The following AMD1 variants were observed in gnomAD, a reference collection of about 807,000 sequenced individuals.
The protein encoded by AMD1 is S-adenosylmethionine decarboxylase proenzyme.
Under a neutral mutation model 40.2 loss-of-function variants are expected in AMD1, and 11 were observed. That is an observed-to-expected ratio of 0.27 (90% confidence interval 0.17 to 0.45). The LOEUF is 0.45. Among genes scored for constraint, AMD1 ranks in the 20% least tolerant of loss-of-function variants. The pLI, the probability that AMD1 is intolerant of heterozygous loss-of-function variation, is 1.00. For missense variants in AMD1, 257 were observed against 410.2 expected (o/e 0.63, Z 3.23); for synonymous variants, 121 against 130.8 (o/e 0.93, Z 0.51).
chr6:110,887,697 T>TG, intron 2 of AMD1, 106 bp downstream of exon 2: 1 of 799,928 alleles, frequency 1.3e-6, no homozygotes, highest in Non-Finnish European at 1.9e-6. Flanking sequence ...TTTGTTTTGT[T>TG]TTGTTTTTTT....
the AMD1 span, among the ~76,000 whole-genome samples, chr6:110,829,208 G>T: frequency 6.6e-6 from 1 of 151,758 alleles, no homozygotes. Context: ...TTACAGTTGT[G>T]CCTGGCCTGA....
At position 110,893,093 on chromosome 6, in the gene AMD1, G is replaced by A. The variant is rs573919143; in HGVS notation, c.864+28G>A. ...AATTTTATATTTTATTATTAATCAG[G>A]TTATTTGATTTTTAAAATCTTAAAG... is the stretch of plus-strand genomic sequence containing the variant. On this transcript the variant is annotated intron_variant, in intron 8 of 8. Transcript: ENST00000368885. The A allele has an allele frequency of 1.2e-5, 19 of 1,554,462 alleles. No homozygotes were observed. In the African/African-American group the frequency reaches 1.4e-4, roughly 11 times the overall value.
the AMD1 span, among the ~76,000 whole-genome samples, chr6:110,838,795 G>C: frequency 2.6e-5 from 4 of 152,308 alleles, no homozygotes; most frequent in South Asian, 8.3e-4. Context: ...GAGGGCTGAG[G>C]TTGCAGTGAG....
chr6:110,858,826 C>T, the AMD1 span: 1 of 775,858 alleles, frequency 1.3e-6, no homozygotes, highest in Non-Finnish European at 2.4e-6. Context: ...CCAAGAACCA[C>T]ATCCTGCCCC....
At chr6:110,842,375 A>G in the AMD1 span, among the ~76,000 whole-genome samples, 1 of 152,224 alleles carries the variant, frequency 6.6e-6, no homozygotes. Flanking sequence ...AGAAAAAGGC[A>G]GCAGGCTTAA....
At position 110,893,347 on chromosome 6, in the gene AMD1, A is replaced by G. The variant is rs189722852; in HGVS notation, c.865-129A>G. The G allele has an allele frequency of 1.3e-3, 1,649 of 1,313,420 alleles. 24 individuals are homozygous for G. Among genetic ancestry groups the G allele is most frequent in the South Asian group, 2.5e-4 (18 of 70,956 alleles). The allele number at this position is 1,313,420 out of a possible 1,614,324, so 81.4% of individuals were successfully genotyped here. On this transcript the variant is annotated intron_variant, in intron 8 of 8. Transcript: ENST00000368885. ...TAAGATGCCCTGGCCCCTCCAGCAC[A>G]TAAGAAGGCAGCTAAAATAACTCAG... is the stretch of plus-strand genomic sequence containing the variant.
the AMD1 span, chr6:110,814,802 C>G: frequency 5.7e-6 from 4 of 698,930 alleles, no homozygotes; most frequent in Admixed American, 2.2e-5. Flanking sequence ...CGGGCTGCGC[C>G]GCGGGAGTTC....
rs754675809 is a variant in AMD1, at chr6:110,887,411, TGTG to T, written c.111-91_111-89del. ...GTTGGTGTACAATATTAATTAAAAA[TGTG>T]GTCTTCATGAGAAAAAGTGTGAGCT... On this transcript the variant is annotated intron_variant, in intron 1 of 8. Coordinates refer to ENST00000368885, the MANE Select transcript of AMD1 (RefSeq NM_001634.6). The T allele has an allele frequency of 3.5e-4, 268 of 774,738 alleles. 1 individual carries two copies. The highest frequency in any genetic ancestry group is 7.8e-4 in the Middle Eastern group (2 of 2,548). The allele number at this position is 774,738 out of a possible 1,614,324, so 48.0% of individuals were successfully genotyped here. A position where few individuals can be genotyped will look rare whatever the true frequency, so the allele number is the denominator to read the frequency against.
chr6:110,815,227 C>G, the AMD1 span: 3 of 1,353,358 alleles, frequency 2.2e-6, no homozygotes, highest in Non-Finnish European at 2.9e-6. Flanking sequence ...CTCCACTTCT[C>G]CAACAGCCGC....
At chr6:110,877,963 A>G (rs1785202937) in intron 1 of AMD1, among the ~76,000 whole-genome samples, 2 of 152,226 alleles carry the variant, frequency 1.3e-5, no homozygotes, top group Non-Finnish European at 2.9e-5. Context: ...GATGCTAAAG[A>G]CAAGGATAAC....
the AMD1 span, chr6:110,815,260 GCC>G: frequency 1.3e-4 from 136 of 1,022,854 alleles, no homozygotes; most frequent in Non-Finnish European, 1.6e-4. Context: ...CGCGCGCGCC[GCC>G]CGCCGCCCGC....
chr6:110,883,990 T>C (rs766212371), intron 1 of AMD1, among the ~76,000 whole-genome samples: 3 of 152,186 alleles, frequency 2.0e-5, no homozygotes, highest in African/African-American at 4.8e-5. Flanking sequence ...TTGAAGAAAG[T>C]AAACCTATAA....
the AMD1 span, among the ~76,000 whole-genome samples, chr6:110,860,823 AAACACCCACC>A: frequency 8.0e-6 from 1 of 124,886 alleles, no homozygotes; most frequent in Non-Finnish European, 1.6e-5. Context: ...AAACAAAACA[AAACACCCACC>A]CACACACACA....
Position 110,893,912 on chromosome 6 carries a change from A to G in AMD1, c.*296A>G, listed in dbSNP as rs115794151. ...TATATGAAACTTTACAACACTTGTG[A>G]AAGCAACTCAATTTGGTTTATGCAC... On this transcript the variant is annotated 3_prime_UTR_variant, in exon 9 of 9. Transcript: ENST00000368885. 103 of 317,316 alleles carry G rather than the reference A, an allele frequency of 3.2e-4. No homozygotes were observed. The highest frequency in any genetic ancestry group is 2.1e-3 in the African/African-American group (98 of 47,304). 19.7% of individuals were successfully genotyped at this position (317,316 alleles called of 1,614,324 possible).
chr6:110,855,807 G>A, the AMD1 span, among the ~76,000 whole-genome samples: 5 of 152,118 alleles, frequency 3.3e-5, no homozygotes, highest in Non-Finnish European at 5.9e-5. Context: ...TGAGCCAGGC[G>A]CAGTGATGCA....
At chr6:110,856,800 T>G in the AMD1 span, among the ~76,000 whole-genome samples, 17 of 152,188 alleles carry the variant, frequency 1.1e-4, no homozygotes, top group African/African-American at 3.4e-4. Context: ...TCAGATCATA[T>G]CAGCTAATTT....
chr6:110,858,928 A>C, the AMD1 span: 1 of 947,974 alleles, frequency 1.1e-6, no homozygotes, highest in Non-Finnish European at 1.7e-6. Context: ...GTTGACACCA[A>C]GCTGGGAACC....
the AMD1 span, chr6:110,814,769 G>T: frequency 1.5e-6 from 1 of 659,580 alleles, no homozygotes; most frequent in Non-Finnish European, 2.8e-6. Context: ...GCGCCCCTCT[G>T]GGACGGGACC....
At chr6:110,815,255 G>GCCGCC in the AMD1 span, 1 of 1,154,292 alleles carries the variant, frequency 8.7e-7, no homozygotes, top group Non-Finnish European at 1.1e-6. Flanking sequence ...GCGCGCGCGC[G>GCCGCC]CGCCGCCCGC....
Sources: gnomAD v4.1 joint callset for allele counts (sites outside exome capture counted in the v4.1 genomes callset) on GRCh38, gnomAD v4.1.1 for gene constraint, MANE v1.5 for transcripts, NCBI Gene and HGNC (gene_info 2026-07-23, HGNC 2026-07-21) for gene names.